Variants in FUT8 observed in about 807,000 individuals in gnomAD.
The protein encoded by FUT8 is alpha-(1,6)-fucosyltransferase.
Under a neutral mutation model 71.3 loss-of-function variants are expected in FUT8, and 29 were observed. That is an observed-to-expected ratio of 0.41 (90% CI 0.30 to 0.55). The LOEUF is 0.55. FUT8 is among the 20% of genes least tolerant of loss of function. The probability of loss-of-function intolerance (pLI) is 0.34; values close to 1 mark genes in which losing one functional copy is unlikely to be tolerated. For synonymous variants in FUT8, 254 were observed against 239.3 expected (o/e 1.06, Z -0.57); for missense variants, 544 against 702.1 (o/e 0.77, Z 2.55).
At chr14:65,686,647 A>G (rs1893299549) in intron 7 of FUT8, among the ~76,000 whole-genome samples, 1 of 152,228 alleles carries the variant, frequency 6.6e-6, no homozygotes, top group Admixed American at 6.5e-5. Flanking sequence ...TAATACAGGT[A>G]GGGAGAGGAG....
At chr14:65,437,339 AG>A (rs2065577193) in intron 1 of FUT8, among the ~76,000 whole-genome samples, 1 of 152,228 alleles carries the variant, frequency 6.6e-6, no homozygotes, top group Non-Finnish European at 1.5e-5. Flanking sequence ...AAGTAGAATT[AG>A]GAAAGAAATA....
intron 1 of FUT8, among the ~76,000 whole-genome samples, chr14:65,449,726 C>T (rs1233310029): frequency 6.6e-6 from 1 of 152,214 alleles, no homozygotes; most frequent in Non-Finnish European, 1.5e-5. Context: ...TGAGCAGCCT[C>T]TTCTAGGCTG....
chr14:65,677,457 C>T (rs1892818369), intron 7 of FUT8, among the ~76,000 whole-genome samples: 1 of 152,076 alleles, frequency 6.6e-6, no homozygotes, highest in Non-Finnish European at 1.5e-5. Flanking sequence ...AGCCATTAAA[C>T]TTAATGCAGG....
intron 2 of FUT8, among the ~76,000 whole-genome samples, chr14:65,508,491 G>GGTTTTTTT: frequency 2.2e-5 from 1 of 46,500 alleles, no homozygotes; most frequent in African/African-American, 8.4e-5. Flanking sequence ...AGTTGTTTGA[G>GGTTTTTTT]TTTTTTTTTT....
intron 7 of FUT8, among the ~76,000 whole-genome samples, chr14:65,716,326 A>G (rs1462176065): frequency 6.9e-6 from 1 of 143,948 alleles, no homozygotes; most frequent in Non-Finnish European, 1.5e-5. Context: ...ATTTATAATT[A>G]TTATATCTTC....
chr14:65,634,533 C>G (rs1890430134), intron 6 of FUT8, among the ~76,000 whole-genome samples: 1 of 145,100 alleles, frequency 6.9e-6, no homozygotes, highest in African/African-American at 2.6e-5. Context: ...AAATCCCCCT[C>G]TGCGAGAAAC....
At chr14:65,513,795 G>A (rs1477983731) in intron 2 of FUT8, among the ~76,000 whole-genome samples, 3 of 152,204 alleles carry the variant, frequency 2.0e-5, no homozygotes, top group Admixed American at 1.3e-4. Flanking sequence ...CTGTAAGCAC[G>A]TGCTTCACCG....
At chr14:65,394,647 T>C in the FUT8 span, among the ~76,000 whole-genome samples, 1 of 152,088 alleles carries the variant, frequency 6.6e-6, no homozygotes, top group Non-Finnish European at 1.5e-5. Flanking sequence ...TACAATAAGT[T>C]ACAGGCATTG....
intron 6 of FUT8, among the ~76,000 whole-genome samples, chr14:65,651,128 C>G (rs748287974): frequency 6.6e-6 from 1 of 152,202 alleles, no homozygotes; most frequent in Non-Finnish European, 1.5e-5. Context: ...ACCGCCGTTT[C>G]CATCCCCTAA....
At chr14:65,622,011 A>G (rs537405571) in intron 5 of FUT8, among the ~76,000 whole-genome samples, 1 of 152,124 alleles carries the variant, frequency 6.6e-6, no homozygotes, top group Non-Finnish European at 1.5e-5. Context: ...TTTAGTAGAG[A>G]CGGGATTTCA....
At chr14:65,621,398 C>T (rs558987364) in intron 5 of FUT8, among the ~76,000 whole-genome samples, 3 of 151,012 alleles carry the variant, frequency 2.0e-5, no homozygotes, top group African/African-American at 7.3e-5. Context: ...TACAGGCACA[C>T]GCCACCATGC....
rs149608223 is a variant in FUT8, at chr14:65,662,360, T to G, written c.598-6883T>G. 8.4e-3 allele frequency among the ~76,000 whole-genome samples: 1,283 copies of G among 152,254 alleles called. 19 individuals carry two copies. Among genetic ancestry groups the G allele is most frequent in the African/African-American group, 0.03 (1,230 of 41,544 alleles). On this transcript the variant is annotated intron_variant, in intron 6 of 10. Coordinates refer to ENST00000673929, the MANE Select transcript of FUT8 (RefSeq NM_001371533.1). ...GTGATTGCACCACTGCACTCCGGCC[T>G]GAGCAATAGAGCCAGACCTTGTCTC...
intron 3 of FUT8, among the ~76,000 whole-genome samples, chr14:65,606,128 A>G (rs1356942098): frequency 6.9e-6 from 1 of 144,680 alleles, no homozygotes; most frequent in East Asian, 2.0e-4. Flanking sequence ...GCTGGAGTGC[A>G]GTGGTGCGAT....
intron 1 of FUT8, among the ~76,000 whole-genome samples, chr14:65,426,793 C>T (rs960558402): frequency 6.6e-6 from 1 of 152,176 alleles, no homozygotes; most frequent in African/African-American, 2.4e-5. Flanking sequence ...GATTGTCTTA[C>T]TTTTTAAAAG....
At chr14:65,459,079 G>T (rs985262402) in intron 2 of FUT8, among the ~76,000 whole-genome samples, 1 of 152,154 alleles carries the variant, frequency 6.6e-6, no homozygotes, top group African/African-American at 2.4e-5. Flanking sequence ...GTGAGGCACT[G>T]TGCCCGGTCA....
At chr14:65,602,296 A>C (rs1888327594) in intron 3 of FUT8, among the ~76,000 whole-genome samples, 1 of 137,970 alleles carries the variant, frequency 7.2e-6, no homozygotes, top group African/African-American at 2.8e-5. Flanking sequence ...GATGCTGCAA[A>C]TGCCATTAAA....
rs1302133923 is a variant in FUT8, at chr14:65,669,398, T to C, written c.753T>C (p.Ala251=). 1.2e-6 allele frequency: 2 copies of C among 1,613,792 alleles called. No individual in the cohort carries two copies. Among genetic ancestry groups the C allele is most frequent in the East Asian group, 4.5e-5 (2 of 44,876 alleles). Reference sequence around the variant, plus strand: ...TGGAATCTCAGAATTGGCGCTATGCTACTGGTGGATGGGAGACTGTATTTA... The same window carrying C: ...TGGAATCTCAGAATTGGCGCTATGCCACTGGTGGATGGGAGACTGTATTTA... ...LILESQNWRY[A]TGGWETVFRP... The change falls in exon 7 of 11, where the codon GCT becomes GCC. Residue 251 remains alanine, a synonymous_variant. Coordinates refer to ENST00000673929, the MANE Select transcript of FUT8 (RefSeq NM_001371533.1). The surrounding 1 kb of genome is among the most constrained non-coding windows in gnomAD (Gnocchi z 4.5).
chr14:65,380,147 T>C, the FUT8 span, among the ~76,000 whole-genome samples: 138,792 of 152,254 alleles, frequency 0.91, 63,692 homozygotes, highest in East Asian at 1. Context: ...CTTACATTTC[T>C]ACATGGCTGG....
chr14:65,362,111 C>T, the FUT8 span, among the ~76,000 whole-genome samples: 2 of 152,188 alleles, frequency 1.3e-5, no homozygotes, highest in African/African-American at 4.8e-5. Context: ...AACACTTGAT[C>T]AGCTAGTTGG....
Sources: gnomAD v4.1 joint callset for allele counts (sites outside exome capture counted in the v4.1 genomes callset) on GRCh38, gnomAD v4.1.1 for gene constraint, Gnocchi (gnomAD v3.1) non-coding constraint, MANE v1.5 for transcripts, NCBI Gene and HGNC (gene_info 2026-07-23, HGNC 2026-07-21) for gene names.